The following GRIA2 variants were observed in gnomAD, a reference collection of about 807,000 sequenced individuals.
GRIA2 encodes the protein glutamate receptor 2.
In GRIA2, 14 loss-of-function variants were observed where a neutral mutation model predicts 97.3. That is an observed-to-expected ratio of 0.14 (90% CI 0.10 to 0.23). The LOEUF is 0.23. GRIA2 is among the 10% of genes least tolerant of loss of function. The pLI, the probability that GRIA2 is intolerant of heterozygous loss-of-function variation, is 1.00. For missense variants in GRIA2, 558 were observed against 1,069.8 expected (o/e 0.52, Z 6.67); for synonymous variants, 412 against 387.8 (o/e 1.06, Z -0.73).
intron 2 of GRIA2, among the ~76,000 whole-genome samples, chr4:157,250,141 C>A (rs1429631524): frequency 6.6e-6 from 1 of 152,064 alleles, no homozygotes; most frequent in Admixed American, 6.6e-5. Context: ...TAGATATTTA[C>A]AGCCCCCAGC....
At chr4:157,277,856 A>ATATATGTATATATGTATATATG (rs1732406743) in intron 2 of GRIA2, among the ~76,000 whole-genome samples, 4 of 143,446 alleles carry the variant, frequency 2.8e-5, no homozygotes, top group African/African-American at 1.1e-4. Flanking sequence ...GTATATATGT[A>ATATATGTATATATGTATATATG]TATATATGTA....
chr4:157,292,848 C>T (rs1280896865), intron 2 of GRIA2, among the ~76,000 whole-genome samples: 3 of 152,098 alleles, frequency 2.0e-5, no homozygotes, highest in East Asian at 3.9e-4. Context: ...GAGAAAATTA[C>T]TTAACTTGCT....
At chr4:157,251,620 A>G (rs1731026234) in intron 2 of GRIA2, among the ~76,000 whole-genome samples, 1 of 152,138 alleles carries the variant, frequency 6.6e-6, no homozygotes, top group Admixed American at 6.5e-5. Flanking sequence ...TGTTGACAGT[A>G]TGAATAGATT....
intron 6 of GRIA2, among the ~76,000 whole-genome samples, chr4:157,325,574 T>A (rs1734767293): frequency 6.6e-6 from 1 of 152,192 alleles, no homozygotes; most frequent in Non-Finnish European, 1.5e-5. Context: ...CTTATTGCCA[T>A]CTTAAACTTA....
At position 157,220,775 on chromosome 4, in the gene GRIA2, G is replaced by A. The variant is rs1429024317; in HGVS notation, c.-268G>A. 7 of 521,970 alleles carry A rather than the reference G, an allele frequency of 1.3e-5. No individual in the cohort carries two copies. In the East Asian group the frequency reaches 2.0e-4, roughly 15 times the overall value. 32.3% of individuals were successfully genotyped at this position (521,970 alleles called of 1,614,324 possible). Reference sequence around the variant, plus strand: ...GGGTGCTGAATATTCCGAGACACTGGGACCACAGCGGCAGCTCCGCTGAAA... The same window carrying A: ...GGGTGCTGAATATTCCGAGACACTGAGACCACAGCGGCAGCTCCGCTGAAA... On this transcript the variant is annotated 5_prime_UTR_variant, in exon 1 of 16. Transcript: ENST00000264426.
chr4:157,267,240 A>G (rs1266404772), intron 2 of GRIA2, among the ~76,000 whole-genome samples: 2 of 151,794 alleles, frequency 1.3e-5, no homozygotes, highest in Non-Finnish European at 2.9e-5. Flanking sequence ...CCTGGCCAAT[A>G]TGGTGAAACC....
At position 157,361,085 on chromosome 4, in the gene GRIA2, C is replaced by T. The variant is rs1736611226; in HGVS notation, c.2367C>T (p.Tyr789=). Residue 789 remains tyrosine, a synonymous_variant, in exon 14 of 16, where the codon TAC becomes TAT. Coordinates refer to ENST00000264426, the MANE Select transcript of GRIA2 (RefSeq NM_001083619.3). This position sits in a 1 kb window ranked among gnomAD's most constrained non-coding sequence, Gnocchi z 5.2. ...ACAAATTGAAAAACAAATGGTGGTA[C>T]GACAAAGGAGAGTGCGGCAGCGGGG... The part of the protein sequence containing the change: ...LLDKLKNKWW[Y]DKGECGSGGG... The T allele has an allele frequency of 4.3e-6, 7 of 1,613,388 alleles. No homozygotes were observed. Among genetic ancestry groups the T allele is most frequent in the African/African-American group, 1.3e-5 (1 of 74,890 alleles).
chr4:157,262,621 T>G (rs1731594231), intron 2 of GRIA2, among the ~76,000 whole-genome samples: 1 of 152,034 alleles, frequency 6.6e-6, no homozygotes, highest in Admixed American at 6.6e-5. Flanking sequence ...CAACCCAGTT[T>G]ACATGCCTAG....
At chr4:157,328,558 T>G (rs955822283) in intron 6 of GRIA2, among the ~76,000 whole-genome samples, 2 of 152,054 alleles carry the variant, frequency 1.3e-5, no homozygotes, top group African/African-American at 4.8e-5. Flanking sequence ...GAGAGGGATG[T>G]GTTCAACCAA....
rs200637556 is a variant in GRIA2, at chr4:157,233,006, TA to T, written c.229+11203del. On this transcript the variant is annotated intron_variant, in intron 2 of 15. Coordinates refer to ENST00000264426, the MANE Select transcript of GRIA2 (RefSeq NM_001083619.3). ...ATGAGCTGTGTTTGGCACAAGTACA[TA>T]AAATTAGCAATATTTTATTATTATT... 1.4e-4 allele frequency among the ~76,000 whole-genome samples: 21 copies of T among 152,298 alleles called. No homozygotes were observed. In the East Asian group the frequency reaches 3.9e-3, roughly 28 times the overall value.
intron 2 of GRIA2, among the ~76,000 whole-genome samples, chr4:157,270,726 C>T (rs776164956): frequency 1.4e-4 from 22 of 152,086 alleles, no homozygotes; most frequent in Non-Finnish European, 2.4e-4. Flanking sequence ...CAAAGTATTA[C>T]GGCAGTGCTG....
At position 157,353,486 on chromosome 4, in the gene GRIA2, C is replaced by T. The variant is rs181674665; in HGVS notation, c.2044-6410C>T. 2.4e-3 allele frequency among the ~76,000 whole-genome samples: 362 copies of T among 151,078 alleles called. 1 individual carries two copies. The highest frequency in any genetic ancestry group is 8.4e-3 in the African/African-American group (345 of 41,148). The stretch of plus-strand genomic sequence containing the variant: ...GAGATTGAGACCATCCTGGCTAACA[C>T]GATGAAACCCCGTCTCTAATAAAAA... On this transcript the variant is annotated intron_variant, in intron 12 of 15. Transcript: ENST00000264426.
chr4:157,257,932 T>A (rs1335061068), intron 2 of GRIA2, among the ~76,000 whole-genome samples: 3 of 152,130 alleles, frequency 2.0e-5, no homozygotes, highest in African/African-American at 7.2e-5. Flanking sequence ...TTATAATTTC[T>A]TACACCTGTC....
intron 6 of GRIA2, 29 bp downstream of exon 6, chr4:157,321,628 T>C (rs1475922550): frequency 2.0e-6 from 3 of 1,532,846 alleles, no homozygotes; most frequent in Non-Finnish European, 1.8e-6. Context: ...CTTTTCTTTT[T>C]CTTTCATATG....
At chr4:157,294,417 T>A (rs867686607) in intron 2 of GRIA2, among the ~76,000 whole-genome samples, 1 of 149,374 alleles carries the variant, frequency 6.7e-6, no homozygotes, top group Non-Finnish European at 1.5e-5. Context: ...TTTTAGGCAT[T>A]AAGACCAATG....
At chr4:157,316,155 A>T (rs1052252682) in intron 4 of GRIA2, among the ~76,000 whole-genome samples, 2 of 152,174 alleles carry the variant, frequency 1.3e-5, no homozygotes, top group Non-Finnish European at 2.9e-5. Flanking sequence ...TAGAATGTAC[A>T]GTAAGCAGAG....
At chr4:157,344,082 C>G (rs1349351836) in intron 12 of GRIA2, among the ~76,000 whole-genome samples, 1 of 151,902 alleles carries the variant, frequency 6.6e-6, no homozygotes, top group African/African-American at 2.4e-5. Context: ...AACAGATTCC[C>G]TTTGAGTCAA....
At chr4:157,337,561 C>T (rs945513669) in intron 11 of GRIA2, among the ~76,000 whole-genome samples, 1 of 151,976 alleles carries the variant, frequency 6.6e-6, no homozygotes, top group African/African-American at 2.4e-5. Context: ...AAATGATTAT[C>T]ACTCTACTGG....
Position 157,319,361 on chromosome 4 carries a change from C to A in GRIA2, c.720+1650C>A, listed in dbSNP as rs72962875. 7.6e-3 allele frequency among the ~76,000 whole-genome samples: 1,150 copies of A among 152,230 alleles called. 14 individuals carry two copies. Among genetic ancestry groups the A allele is most frequent in the African/African-American group, 0.026 (1,096 of 41,546 alleles). ...AGAAGGTGGCTCCTCAATTTGAGAGCTGATATCTGATGCTATTAAAATGAA... is the reference window on the plus strand; with the variant it reads ...AGAAGGTGGCTCCTCAATTTGAGAGATGATATCTGATGCTATTAAAATGAA... On this transcript the variant is annotated intron_variant, in intron 5 of 15. Transcript: ENST00000264426.
Sources: gnomAD v4.1 joint callset for allele counts (sites outside exome capture counted in the v4.1 genomes callset) on GRCh38, gnomAD v4.1.1 for gene constraint, Gnocchi (gnomAD v3.1) non-coding constraint, MANE v1.5 for transcripts, NCBI Gene and HGNC (gene_info 2026-07-23, HGNC 2026-07-21) for gene names.